NEFH: variants seen among roughly 807,000 people sequenced by gnomAD.
NEFH encodes neurofilament heavy polypeptide.
NEFH carries 58 observed loss-of-function variants against 56.6 expected under a neutral mutation model. The ratio of observed to expected loss-of-function variants is 1.03; its 90% CI spans 0.83 to 1.28. The LOEUF is 1.28. Ranked by LOEUF, NEFH falls within the 50% of genes most tolerant of loss-of-function variation. NEFH has a pLI of 0.00. For missense variants in NEFH, 1,221 were observed against 1,307.6 expected (o/e 0.93, Z 1.02); for synonymous variants, 542 against 545.8 (o/e 0.99, Z 0.10).
chr22:29,481,633 C>G (rs1217135108), intron 1 of NEFH, among the ~76,000 whole-genome samples: 5 of 152,208 alleles, frequency 3.3e-5, no homozygotes, highest in African/African-American at 1.2e-4. Flanking sequence ...CCACTACCTG[C>G]TCAGTGCTTA....
chr22:29,483,239 A>G, intron 1 of NEFH, 136 bp from the exon 2 acceptor site: 1 of 790,368 alleles, frequency 1.3e-6, no homozygotes, highest in East Asian at 2.5e-5. Context: ...AGAGTGCACC[A>G]CTGCCCTCCA....
Position 29,490,912 on chromosome 22 carries a change from C to T in NEFH, c.*209C>T. ...CCAGGCCCCTGCCCCCAGGCCCTCCCCAGGCGATGGACAATTATGATAGCT... is the reference window on the plus strand; with the variant it reads ...CCAGGCCCCTGCCCCCAGGCCCTCCTCAGGCGATGGACAATTATGATAGCT... On this transcript the variant is annotated 3_prime_UTR_variant, in exon 4 of 4. Coordinates refer to ENST00000310624, the MANE Select transcript of NEFH (RefSeq NM_021076.4). 1.4e-5 allele frequency: 12 copies of T among 843,864 alleles called. No homozygotes were observed. In the South Asian group the frequency reaches 1.9e-4, roughly 14 times the overall value. 52.3% of individuals were successfully genotyped at this position (843,864 alleles called of 1,614,324 possible). A position where few individuals can be genotyped will look rare whatever the true frequency, so the allele number is the denominator to read the frequency against.
rs1169368991 is a variant in NEFH at position 29,483,832 on chromosome 22, TTTATTTA to T, written c.1083+261_1083+267del. ...GAAAGATTAAAGAGATAGACTTTTA[TTTATTTA>T]TTTATTTATTTATTTATTTATTTAT... On this transcript the variant is annotated intron_variant, in intron 2 of 3. Transcript: ENST00000310624. Among the ~76,000 whole-genome samples, 7 of 56,582 alleles carry T rather than the reference TTTATTTA, an allele frequency of 1.2e-4. No individual in the cohort carries two copies. The East Asian group carries it at 3.3e-3, about 26-fold the overall frequency. The allele number at this position is 56,582 out of a possible 152,430, so 37.1% of individuals were successfully genotyped here.
chr22:29,485,961 C>A lies in NEFH; in HGVS notation c.1208+114C>A. On this transcript the variant is annotated intron_variant, in intron 3 of 3. Transcript: ENST00000310624. Reference sequence around the variant, plus strand: ...GCCTACCTGTCTTAGGGACAAAATTCTTTTTAAATTGCGGCAAAATAGACA... The same window carrying A: ...GCCTACCTGTCTTAGGGACAAAATTATTTTTAAATTGCGGCAAAATAGACA... The A allele has an allele frequency of 3.5e-6, 4 of 1,141,300 alleles. No individual in the cohort carries two copies. The South Asian group carries it at 3.8e-5, about 11-fold the overall frequency. 70.7% of individuals were successfully genotyped at this position (1,141,300 alleles called of 1,614,324 possible).
Position 29,483,534 on chromosome 22 carries a change from A to C in NEFH, c.1043A>C (p.Glu348Ala). ...GACTCACTGGAGAGGCAGCGCTCTG[A>C]GCTGGAGGACCGTCATCAGGCCGAC... ...TKDSLERQRS[E>A]LEDRHQADIA... The change falls in exon 2 of 4, where the codon GAG becomes GCG. Residue 348 changes from glutamate (E) to alanine (A), a missense_variant. By Grantham distance (107) the Glu-to-Ala change is moderately radical. Coordinates refer to ENST00000310624, the MANE Select transcript of NEFH (RefSeq NM_021076.4). 6.2e-7 allele frequency: 1 copy of C among 1,613,900 alleles called. No homozygotes were observed. Among genetic ancestry groups the C allele is most frequent in the Non-Finnish European group, 8.5e-7 (1 of 1,180,036 alleles).
chr22:29,484,497 C>T (rs2063032495), intron 2 of NEFH, among the ~76,000 whole-genome samples: 1 of 152,048 alleles, frequency 6.6e-6, no homozygotes, highest in South Asian at 2.1e-4. Flanking sequence ...CAAAAATTAA[C>T]TGGGCATGGT....
intron 3 of NEFH, 77 bp downstream of exon 3, chr22:29,485,924 C>G: frequency 6.6e-7 from 1 of 1,526,376 alleles, no homozygotes; most frequent in South Asian, 1.1e-5. Context: ...GTTTCAAGAC[C>G]CCGTTTAGGC....
chr22:29,483,639 T>C lies in NEFH; in HGVS notation c.1083+65T>C, dbSNP rs946752105. On this transcript the variant is annotated intron_variant, in intron 2 of 3. Transcript: ENST00000310624. ...GATTGGGTAGCCCTGGACAAGTTAC[T>C]GTCCCTCACTGAGTGGGGTTGTAGT... The C allele has an allele frequency of 2.7e-6, 4 of 1,508,314 alleles. No homozygotes were observed. The Admixed American group carries it at 7.2e-5, about 27-fold the overall frequency. 93.4% of individuals were successfully genotyped at this position (1,508,314 alleles called of 1,614,324 possible).
chr22:29,481,223 GGCGCTGCCGGACTGCGCGTGGAGTGGC>G (rs2063007456), intron 1 of NEFH, 78 bp downstream of exon 1: 2 of 1,408,418 alleles, frequency 1.4e-6, no homozygotes, highest in African/African-American at 1.4e-5. Context: ...GACCCAAGGG[GGCGCTGCCGGACTGCGCGTGGAGTGGC>G]GCGCTGCTCA....
Position 29,480,341 on chromosome 22 carries a change from G to C in NEFH, c.79G>C (p.Ala27Pro), listed in dbSNP as rs1435866336. 2 of 1,526,758 alleles carry C rather than the reference G, an allele frequency of 1.3e-6. No homozygotes were observed. Among genetic ancestry groups the C allele is most frequent in the Non-Finnish European group, 1.7e-6 (2 of 1,145,144 alleles). 94.6% of individuals were successfully genotyped at this position (1,526,758 alleles called of 1,614,324 possible). Residue 27 changes from alanine (A) to proline (P), a missense_variant, in exon 1 of 4, where the codon GCG becomes CCG. Around this residue, in one of 4 missense-constraint regions of NEFH, gnomAD observed 640 missense variants for 555.5 expected, o/e 1.15. Coordinates refer to ENST00000310624, the MANE Select transcript of NEFH (RefSeq NM_021076.4). ...GCATGGCGGCGGCAGCCTCCACTAC[G>C]CGCTAGCCCGAAAGGGTGGCGCAGG... ...PLHGGGSLHY[A>P]LARKGGAGGT... is the part of the protein sequence containing the mutation.
Position 29,489,622 on chromosome 22 carries a change from A to G in NEFH, c.1982A>G (p.Lys661Arg), listed in dbSNP as rs751905400. 1 of 1,601,106 alleles carries G rather than the reference A, an allele frequency of 6.2e-7. No individual in the cohort carries two copies. Among genetic ancestry groups the G allele is most frequent in the Non-Finnish European group, 8.5e-7 (1 of 1,174,338 alleles). The change falls in exon 4 of 4, where the codon AAG (lysine) becomes AGG (arginine). Residue 661 changes from lysine (K) to arginine (R), a missense_variant. By Grantham distance (26) the Lys-to-Arg change is conservative. Coordinates refer to ENST00000310624, the MANE Select transcript of NEFH (RefSeq NM_021076.4). ...KAKSPEKEEAKSPEKAKSPVK... is the reference protein window; with the variant it reads ...KAKSPEKEEARSPEKAKSPVK... ...AAGTCCCCAGAGAAGGAAGAGGCCA[A>G]GTCCCCTGAGAAGGCCAAGTCCCCA...
chr22:29,483,312 A>C, intron 1 of NEFH, 63 bp from the exon 2 acceptor site: 1 of 1,448,970 alleles, frequency 6.9e-7, no homozygotes, highest in Non-Finnish European at 9.5e-7. Context: ...AAAGAAAAAA[A>C]TCTGGGCATT....
chr22:29,480,994 G>C lies in NEFH; in HGVS notation c.732G>C (p.Gln244His), dbSNP rs527475764. 1.3e-6 allele frequency: 2 copies of C among 1,532,000 alleles called. No homozygotes were observed. Among genetic ancestry groups the C allele is most frequent in the Non-Finnish European group, 1.7e-6 (2 of 1,145,552 alleles). The allele number at this position is 1,532,000 out of a possible 1,614,324, so 94.9% of individuals were successfully genotyped here. A position where few individuals can be genotyped will look rare whatever the true frequency, so the allele number is the denominator to read the frequency against. The change falls in exon 1 of 4, where the codon CAG becomes CAC. Residue 244 changes from glutamine to histidine, a missense_variant. Gln to His is a conservative substitution (Grantham distance 24). This residue lies in a region of NEFH where 640 missense variants were observed against 555.5 expected (regional missense o/e 1.15). Coordinates refer to ENST00000310624, the MANE Select transcript of NEFH (RefSeq NM_021076.4). The part of the protein sequence containing the change: ...HQEEVGELLG[Q>H]IQGSGAAQAQ... ...AAGAGGTGGGCGAGCTGCTCGGCCA[G>C]ATCCAGGGCTCCGGCGCCGCGCAGG...
At chr22:29,488,762 C>G in intron 3 of NEFH, 87 bp from the exon 4 acceptor site, 1 of 1,231,800 alleles carries the variant, frequency 8.1e-7, no homozygotes, top group South Asian at 1.2e-5. Flanking sequence ...CATTCGATGT[C>G]AGTGACCTTC....
Position 29,489,928 on chromosome 22 carries a change from C to A in NEFH, c.2288C>A (p.Ser763Tyr). Residue 763 changes from serine to tyrosine, a missense_variant, in exon 4 of 4, where the codon TCT becomes TAT. Physicochemically the swap from Ser to Tyr is moderately radical, Grantham distance 144 (BLOSUM62 -2). This residue lies in a region of NEFH where 301 missense variants were observed against 346.6 expected (regional missense o/e 0.87). Transcript: ENST00000310624. ...AAGGCCAAGACTCTTGATGTGAAGT[C>A]TCCAGAAGCCAAGACTCCAGCGAAG... ...PEKAKTLDVK[S>Y]PEAKTPAKEE... 1.2e-6 allele frequency: 2 copies of A among 1,612,924 alleles called. No homozygotes were observed. Among genetic ancestry groups the A allele is most frequent in the Non-Finnish European group, 1.7e-6 (2 of 1,179,792 alleles).
rs1020522395 is a variant in NEFH, at chr22:29,483,612, C to T, written c.1083+38C>T. The T allele has an allele frequency of 1.1e-5, 17 of 1,603,346 alleles. No individual in the cohort carries two copies. In the Middle Eastern group the frequency reaches 5.9e-4, roughly 56 times the overall value. On this transcript the variant is annotated intron_variant, in intron 2 of 3. Coordinates refer to ENST00000310624, the MANE Select transcript of NEFH (RefSeq NM_021076.4). ...AAGGCAGACAGCCAGACTGCCTTAC[C>T]TGATTGGGTAGCCCTGGACAAGTTA...
Position 29,489,379 on chromosome 22 carries a change from C to T in NEFH, c.1739C>T (p.Ser580Phe), listed in dbSNP as rs115072194. The change falls in exon 4 of 4, where the codon TCC becomes TTC. Residue 580 changes from serine to phenylalanine, a missense_variant. Physicochemically the swap from Ser to Phe is radical, Grantham distance 155. Around this residue, in one of 4 missense-constraint regions of NEFH, gnomAD observed 243 missense variants for 299.1 expected, o/e 0.81. Transcript: ENST00000310624. ...GCAAAATCTCCAGCTGAGGTCAAGTCCCCCGAGAAGGCCAAGTCCCCAGCA... is the reference window on the plus strand; with the variant it reads ...GCAAAATCTCCAGCTGAGGTCAAGTTCCCCGAGAAGGCCAAGTCCCCAGCA... ...EEAKSPAEVK[S>F]PEKAKSPAKE... The T allele has an allele frequency of 8.5e-5, 137 of 1,612,828 alleles. No homozygotes were observed. In the African/African-American group the frequency reaches 1.3e-3, roughly 15 times the overall value.
intron 3 of NEFH, among the ~76,000 whole-genome samples, chr22:29,487,467 T>TCC (rs2063050943): frequency 9.6e-6 from 1 of 104,090 alleles, no homozygotes. Context: ...CTACAAAAAA[T>TCC]ACAAAAAAAA....
At chr22:29,481,654 C>T (rs1314805153) in intron 1 of NEFH, among the ~76,000 whole-genome samples, 1 of 152,204 alleles carries the variant, frequency 6.6e-6, no homozygotes, top group African/African-American at 2.4e-5. Flanking sequence ...ACGTTCCTAC[C>T]TTAAATCTTC....
Sources: gnomAD v4.1 joint callset for allele counts (sites outside exome capture counted in the v4.1 genomes callset) on GRCh38, gnomAD v4.1.1 for gene constraint, gnomAD v4.1.1 regional missense constraint, MANE v1.5 for transcripts, NCBI Gene and HGNC (gene_info 2026-07-23, HGNC 2026-07-21) for gene names.